The following PLCB4 variants were observed in gnomAD, a reference collection of about 807,000 sequenced individuals.
PLCB4 encodes the protein phospholipase C beta 4.
In PLCB4, 77 loss-of-function variants were observed where a neutral mutation model predicts 178.8. The observed-to-expected ratio is 0.43, with a 90% confidence interval of 0.36 to 0.52. PLCB4 has a LOEUF of 0.52. Among genes scored for constraint, PLCB4 ranks in the 20% least tolerant of loss-of-function variants. The pLI is 0.00. For synonymous variants in PLCB4, 496 were observed against 490.8 expected (o/e 1.01, Z -0.14); for missense variants, 1,024 against 1,453.4 (o/e 0.70, Z 4.80).
chr20:9,238,742 G>T (rs998486658), intron 3 of PLCB4, among the ~76,000 whole-genome samples: 2 of 152,210 alleles, frequency 1.3e-5, no homozygotes, highest in Non-Finnish European at 2.9e-5. Flanking sequence ...GAAACTTTCT[G>T]ATTTGTATCA....
At chr20:9,338,422 C>T (rs528520669) in intron 6 of PLCB4, among the ~76,000 whole-genome samples, 2 of 152,138 alleles carry the variant, frequency 1.3e-5, no homozygotes, top group African/African-American at 2.4e-5. Context: ...CAGTGGCTCA[C>T]ACCTCCCAGC....
chr20:9,141,495 T>C (rs558508717), intron 2 of PLCB4, among the ~76,000 whole-genome samples: 1 of 152,086 alleles, frequency 6.6e-6, no homozygotes, highest in Non-Finnish European at 1.5e-5. Flanking sequence ...TATTTAAAGA[T>C]TCTACACTCT....
intron 19 of PLCB4, 44 bp downstream of exon 19, chr20:9,395,662 C>G: frequency 7.2e-7 from 1 of 1,395,042 alleles, no homozygotes. Flanking sequence ...TTTGAAAATA[C>G]TTTTTAAATA....
At chr20:9,218,039 G>A (rs1414159371) in intron 3 of PLCB4, among the ~76,000 whole-genome samples, 1 of 152,144 alleles carries the variant, frequency 6.6e-6, no homozygotes, top group Non-Finnish European at 1.5e-5. Context: ...GCCAATACTT[G>A]TATTCCAGAG....
intron 3 of PLCB4, among the ~76,000 whole-genome samples, chr20:9,289,097 A>T (rs1568529420): frequency 6.6e-6 from 1 of 152,110 alleles, no homozygotes; most frequent in Non-Finnish European, 1.5e-5. Flanking sequence ...CTTGAATCTT[A>T]TCTCTTTTCC....
At chr20:9,368,644 C>G (rs558529795) in intron 9 of PLCB4, among the ~76,000 whole-genome samples, 2 of 137,688 alleles carry the variant, frequency 1.5e-5, no homozygotes, top group East Asian at 3.9e-4. Flanking sequence ...TTGCCCCATC[C>G]TTCACTCAAG....
intron 3 of PLCB4, among the ~76,000 whole-genome samples, chr20:9,231,520 G>T (rs570892918): frequency 6.6e-6 from 1 of 152,070 alleles, no homozygotes; most frequent in Non-Finnish European, 1.5e-5. Flanking sequence ...CATCTAATTA[G>T]TTCAGGTGTT....
At chr20:9,099,493 G>A (rs1355305991) in intron 2 of PLCB4, among the ~76,000 whole-genome samples, 1 of 152,038 alleles carries the variant, frequency 6.6e-6, no homozygotes, top group African/African-American at 2.4e-5. Flanking sequence ...ATTAAAAATT[G>A]AGTTCATCAT....
chr20:9,191,724 T>C (rs1002396896), intron 2 of PLCB4, among the ~76,000 whole-genome samples: 2 of 152,100 alleles, frequency 1.3e-5, no homozygotes, highest in African/African-American at 4.8e-5. Context: ...GGATCTATAA[T>C]ACACAGACTA....
At chr20:9,074,791 CTT>C (rs10627363) in intron 1 of PLCB4, among the ~76,000 whole-genome samples, 57 of 64,444 alleles carry the variant, frequency 8.8e-4, no homozygotes, top group Non-Finnish European at 1.4e-3. Context: ...CCCAGCTAGG[CTT>C]TTTTTTTTTT....
chr20:9,234,440 G>A (rs2093970481), intron 3 of PLCB4, among the ~76,000 whole-genome samples: 1 of 152,112 alleles, frequency 6.6e-6, no homozygotes, highest in African/African-American at 2.4e-5. Context: ...ACTCAAACAT[G>A]TAGAGGTTAA....
chr20:9,115,553 T>C (rs932123447), intron 2 of PLCB4, among the ~76,000 whole-genome samples: 16 of 149,896 alleles, frequency 1.1e-4, no homozygotes, highest in African/African-American at 2.2e-4. Context: ...ACATTAGGTA[T>C]ATCTCCTAAT....
intron 9 of PLCB4, among the ~76,000 whole-genome samples, chr20:9,366,534 T>C (rs67474704): frequency 0.067 from 10,270 of 152,290 alleles, 376 homozygotes; most frequent in Middle Eastern, 0.092. Context: ...GCATCCCTCT[T>C]TTCTGCTTCT....
intron 7 of PLCB4, among the ~76,000 whole-genome samples, chr20:9,348,354 A>G (rs1314090708): frequency 1.3e-5 from 2 of 152,364 alleles, no homozygotes; most frequent in East Asian, 1.9e-4. Context: ...GAGAAGCTAA[A>G]ATAGAGACCA....
At chr20:9,300,182 T>A (rs141347613) in intron 3 of PLCB4, among the ~76,000 whole-genome samples, 3 of 152,282 alleles carry the variant, frequency 2.0e-5, no homozygotes, top group African/African-American at 7.2e-5. Context: ...TGTGATAGAT[T>A]CAACTGATTT....
At chr20:9,116,986 T>C (rs946518314) in intron 2 of PLCB4, among the ~76,000 whole-genome samples, 13 of 152,330 alleles carry the variant, frequency 8.5e-5, no homozygotes, top group African/African-American at 2.9e-4. Flanking sequence ...TTCTAATTCA[T>C]TGTGGTTGGT....
At chr20:9,182,019 T>G (rs1348387092) in intron 2 of PLCB4, among the ~76,000 whole-genome samples, 1 of 151,866 alleles carries the variant, frequency 6.6e-6, no homozygotes, top group African/African-American at 2.4e-5. Context: ...GTCATGAGAG[T>G]GGGAGTTGAG....
At chr20:9,136,201 T>C (rs1008672051) in intron 2 of PLCB4, among the ~76,000 whole-genome samples, 8 of 152,154 alleles carry the variant, frequency 5.3e-5, no homozygotes, top group Non-Finnish European at 1.5e-5. Context: ...TTGTTAGTTA[T>C]GCATTGTCTT....
intron 4 of PLCB4, among the ~76,000 whole-genome samples, chr20:9,324,561 T>G (rs1391385246): frequency 6.6e-6 from 1 of 152,182 alleles, no homozygotes; most frequent in Non-Finnish European, 1.5e-5. Flanking sequence ...CTTGGGGGTT[T>G]GTTTCTAGAT....
Sources: allele counts gnomAD v4.1 joint callset (sites outside exome capture counted in the v4.1 genomes callset), GRCh38; gene constraint gnomAD v4.1.1; transcripts MANE v1.5; gene names NCBI Gene and HGNC (gene_info 2026-07-23, HGNC 2026-07-21).